MED13L: variants seen among roughly 807,000 people sequenced by gnomAD.
The protein encoded by MED13L is mediator complex subunit 13L.
MED13L carries 7 observed loss-of-function variants against 220.9 expected under a neutral mutation model. The observed-to-expected ratio is 0.03, with a 90% CI of 0.02 to 0.06. The LOEUF is 0.06. Ranked by LOEUF, MED13L falls within the 10% of genes least tolerant of loss-of-function variation. The pLI, the probability that MED13L is intolerant of heterozygous loss-of-function variation, is 1.00. For missense variants in MED13L, 1,965 were observed against 2,760.5 expected (o/e 0.71, Z 6.46); for synonymous variants, 1,011 against 1,015.2 (o/e 1.00, Z 0.08).
intron 3 of MED13L, among the ~76,000 whole-genome samples, chr12:116,100,694 TGAGGCCAG>T (rs971759249): frequency 6.6e-6 from 1 of 151,664 alleles, no homozygotes; most frequent in Non-Finnish European, 1.5e-5. Context: ...AAGAACAGCT[TGAGGCCAG>T]GAGTTTGACA....
chr12:116,154,896 G>A (rs1301420517), intron 2 of MED13L, among the ~76,000 whole-genome samples: 5 of 152,004 alleles, frequency 3.3e-5, no homozygotes, highest in African/African-American at 1.2e-4. Context: ...GCACAATCTC[G>A]GCTCACTGCA....
chr12:116,099,568 A>G (rs1375488131), intron 3 of MED13L, among the ~76,000 whole-genome samples: 1 of 152,240 alleles, frequency 6.6e-6, no homozygotes, highest in Non-Finnish European at 1.5e-5. Flanking sequence ...TACAGTGTAC[A>G]GAAAGAAAAA....
intron 4 of MED13L, among the ~76,000 whole-genome samples, chr12:116,092,276 C>T (rs1335536487): frequency 1.3e-5 from 2 of 152,202 alleles, no homozygotes; most frequent in Non-Finnish European, 2.9e-5. Context: ...AGTGTCTGCT[C>T]ACCTTCTAGA....
intron 2 of MED13L, among the ~76,000 whole-genome samples, chr12:116,145,476 C>T (rs941951445): frequency 5.3e-5 from 8 of 152,042 alleles, no homozygotes; most frequent in Non-Finnish European, 1.2e-4. Context: ...TACAGTTCCT[C>T]AGCAGTTGCT....
chr12:115,991,068 C>T lies in MED13L; in HGVS notation c.3886G>A (p.Glu1296Lys), dbSNP rs960782479. 1.7e-5 allele frequency: 27 copies of T among 1,614,190 alleles called. No individual in the cohort carries two copies. The highest frequency in any genetic ancestry group is 2.2e-5 in the Non-Finnish European group (26 of 1,180,038). ...VDNPTGGKVD[E>K]ALVRSATVHS... ...ACAGTGGCACTTCTCACCAGAGCTTCGTCCACTTTTCCACCAGTGGGGTTA... is the reference window on the plus strand; with the variant it reads ...ACAGTGGCACTTCTCACCAGAGCTTTGTCCACTTTTCCACCAGTGGGGTTA... The change falls in exon 17 of 31, where the codon GAA becomes AAA. Residue 1296 changes from glutamate to lysine, a missense_variant. Transcript: ENST00000281928. This position sits in a 1 kb window ranked among gnomAD's most constrained non-coding sequence, Gnocchi z 7.7.
chr12:115,986,211 T>C, intron 19 of MED13L, 55 bp downstream of exon 19: 1 of 1,504,838 alleles, frequency 6.6e-7, no homozygotes, highest in Non-Finnish European at 9.2e-7. Flanking sequence ...GTCATCACTA[T>C]AAACAATCAG....
At chr12:116,001,613 C>A (rs1180237889) in intron 14 of MED13L, among the ~76,000 whole-genome samples, 1 of 152,172 alleles carries the variant, frequency 6.6e-6, no homozygotes, top group South Asian at 2.1e-4. Context: ...CTCACTCCCC[C>A]ACCCCATCCC....
chr12:116,088,415 G>A (rs1871898735), intron 4 of MED13L, among the ~76,000 whole-genome samples: 2 of 152,284 alleles, frequency 1.3e-5, no homozygotes, highest in Non-Finnish European at 2.9e-5. Flanking sequence ...TAAAACAGTG[G>A]TTTTCAACCA....
At chr12:116,198,918 G>C (rs890268999) in intron 2 of MED13L, among the ~76,000 whole-genome samples, 1 of 152,156 alleles carries the variant, frequency 6.6e-6, no homozygotes, top group Non-Finnish European at 1.5e-5. Context: ...TAGTACATCA[G>C]AGTACAATTA....
At chr12:116,005,196 C>A (rs1878975481) in intron 13 of MED13L, among the ~76,000 whole-genome samples, 1 of 152,112 alleles carries the variant, frequency 6.6e-6, no homozygotes, top group Non-Finnish European at 1.5e-5. Flanking sequence ...GAAAACAGAG[C>A]CTATCTTACT....
At chr12:115,981,466 T>C (rs1877322035) in intron 22 of MED13L, among the ~76,000 whole-genome samples, 1 of 152,220 alleles carries the variant, frequency 6.6e-6, no homozygotes, top group South Asian at 2.1e-4. Flanking sequence ...AGCATTGTTT[T>C]TCATCTATAT....
At chr12:116,154,618 T>C (rs957069107) in intron 2 of MED13L, among the ~76,000 whole-genome samples, 4 of 152,166 alleles carry the variant, frequency 2.6e-5, no homozygotes, top group African/African-American at 4.8e-5. Flanking sequence ...AATGAAAAAT[T>C]TGTGGCAGTA....
intron 1 of MED13L, among the ~76,000 whole-genome samples, chr12:116,263,871 T>C (rs1031799206): frequency 6.6e-6 from 1 of 152,162 alleles, no homozygotes; most frequent in Non-Finnish European, 1.5e-5. Flanking sequence ...ATATCCTGTC[T>C]TGCCAATCAA....
intron 2 of MED13L, among the ~76,000 whole-genome samples, chr12:116,233,574 C>A (rs1260700275): frequency 6.6e-6 from 1 of 152,176 alleles, no homozygotes; most frequent in Non-Finnish European, 1.5e-5. Flanking sequence ...CCTGTTCTTG[C>A]CACAATTCAT....
chr12:115,960,900 A>C lies in MED13L; in HGVS notation c.*366T>G. The C allele has an allele frequency of 2.9e-6, 1 of 346,292 alleles. No homozygotes were observed. The highest frequency in any genetic ancestry group is 2.4e-5 in the South Asian group (1 of 41,904). 21.5% of individuals were successfully genotyped at this position (346,292 alleles called of 1,614,324 possible). A position where few individuals can be genotyped will look rare whatever the true frequency, so the allele number is the denominator to read the frequency against. On this transcript the variant is annotated 3_prime_UTR_variant, in exon 31 of 31. Transcript: ENST00000281928. Reference sequence around the variant, plus strand: ...CATCCAAAGGGCTAGACTGCCCTCAATTGTATACAGAGGCTGAAAACACAG... The same window carrying C: ...CATCCAAAGGGCTAGACTGCCCTCACTTGTATACAGAGGCTGAAAACACAG...
intron 4 of MED13L, among the ~76,000 whole-genome samples, chr12:116,094,207 T>C (rs1055817979): frequency 1.3e-5 from 2 of 152,242 alleles, no homozygotes; most frequent in African/African-American, 4.8e-5. Context: ...AAAGTCATCA[T>C]ACCTAATAAA....
chr12:116,259,347 C>T (rs1872319712), intron 1 of MED13L, among the ~76,000 whole-genome samples: 1 of 151,854 alleles, frequency 6.6e-6, no homozygotes, highest in Non-Finnish European at 1.5e-5. Context: ...GCATAAACTG[C>T]GATATACGAG....
At chr12:116,200,768 TA>T (rs1424673254) in intron 2 of MED13L, among the ~76,000 whole-genome samples, 1 of 152,220 alleles carries the variant, frequency 6.6e-6, no homozygotes, top group Non-Finnish European at 1.5e-5. Flanking sequence ...TTTTAATGAT[TA>T]AAAATAGTTT....
chr12:116,151,575 G>C (rs1878042404), intron 2 of MED13L, among the ~76,000 whole-genome samples: 1 of 152,186 alleles, frequency 6.6e-6, no homozygotes, highest in South Asian at 2.1e-4. Context: ...CACAGTGGTT[G>C]AAACTGAGCA....
Sources: allele counts gnomAD v4.1 joint callset (sites outside exome capture counted in the v4.1 genomes callset), GRCh38; gene constraint gnomAD v4.1.1; non-coding constraint Gnocchi (gnomAD v3.1); transcripts MANE v1.5; gene names NCBI Gene and HGNC (gene_info 2026-07-23, HGNC 2026-07-21).